Variants in GLT1D1 observed in about 807,000 individuals in gnomAD.
The protein encoded by GLT1D1 is glycosyltransferase 1 domain containing 1.
In GLT1D1, 21 loss-of-function variants were observed where a neutral mutation model predicts 28.7. The ratio of observed to expected loss-of-function variants is 0.73; its 90% CI spans 0.52 to 1.05. The LOEUF is 1.05. Ranked by LOEUF, GLT1D1 falls within the 50% of genes least tolerant of loss-of-function variation. GLT1D1 has a pLI of 0.00. For missense variants in GLT1D1, 343 were observed against 330.6 expected (o/e 1.04, Z -0.29); for synonymous variants, 147 against 124.8 (o/e 1.18, Z -1.19).
Position 128,896,442 on chromosome 12 carries a change from T to C in GLT1D1, c.324-2794T>C, listed in dbSNP as rs563949691. On this transcript the variant is annotated intron_variant, in intron 3 of 7. Transcript: ENST00000281703. ...CAGGGAAAAGCAAATTACCAATTTTTTTTTTGTACTTCATGCGTGCTTTAA... is the reference window on the plus strand; with the variant it reads ...CAGGGAAAAGCAAATTACCAATTTTCTTTTTGTACTTCATGCGTGCTTTAA... 2.6e-5 allele frequency among the ~76,000 whole-genome samples: 4 copies of C among 152,302 alleles called. No individual in the cohort carries two copies. In the East Asian group the frequency reaches 7.7e-4, roughly 29 times the overall value.
chr12:128,861,798 C>G (rs917123174), intron 1 of GLT1D1, among the ~76,000 whole-genome samples: 1 of 152,148 alleles, frequency 6.6e-6, no homozygotes, highest in African/African-American at 2.4e-5. Flanking sequence ...GCAGTACTTT[C>G]CCTTCCAGGC....
At chr12:128,887,387 C>A (rs1396895706) in intron 2 of GLT1D1, among the ~76,000 whole-genome samples, 1 of 152,108 alleles carries the variant, frequency 6.6e-6, no homozygotes. Flanking sequence ...TGTACTATCA[C>A]AGATGCTCTG....
intron 1 of GLT1D1, among the ~76,000 whole-genome samples, chr12:128,866,067 CTTTTTT>C (rs1208489895): frequency 7.5e-6 from 1 of 133,502 alleles, no homozygotes; most frequent in Admixed American, 7.9e-5. Flanking sequence ...GTGATTGTAC[CTTTTTT>C]TTTTTTTTTT....
chr12:128,875,204 TACC>T (rs1956843406), intron 1 of GLT1D1, among the ~76,000 whole-genome samples: 1 of 152,086 alleles, frequency 6.6e-6, no homozygotes, highest in Non-Finnish European at 1.5e-5. Context: ...AATCTTTAGA[TACC>T]ACAATTCAGG....
At chr12:128,919,569 C>T (rs1872444255) in intron 4 of GLT1D1, among the ~76,000 whole-genome samples, 1 of 152,172 alleles carries the variant, frequency 6.6e-6, no homozygotes, top group Non-Finnish European at 1.5e-5. Context: ...CCCTCTTATG[C>T]TTACCATTAT....
At chr12:128,954,549 T>C (rs1234273784) in intron 6 of GLT1D1, among the ~76,000 whole-genome samples, 8 of 152,338 alleles carry the variant, frequency 5.3e-5, no homozygotes, top group Admixed American at 3.9e-4. Flanking sequence ...GACAGGTCAC[T>C]ATGCTCTATA....
At chr12:128,918,108 C>G (rs1872285053) in intron 4 of GLT1D1, among the ~76,000 whole-genome samples, 1 of 152,196 alleles carries the variant, frequency 6.6e-6, no homozygotes, top group Admixed American at 6.5e-5. Context: ...TACATAGACA[C>G]CGTGGAATAC....
chr12:128,888,065 C>A (rs982591281), intron 2 of GLT1D1, among the ~76,000 whole-genome samples: 2 of 152,222 alleles, frequency 1.3e-5, no homozygotes, highest in East Asian at 3.8e-4. Context: ...TATACATACT[C>A]CCTTTGCAAA....
At chr12:128,971,301 C>CTT (rs1879019734) in intron 7 of GLT1D1, among the ~76,000 whole-genome samples, 1 of 34,674 alleles carries the variant, frequency 2.9e-5, no homozygotes, top group Admixed American at 3.5e-4. Flanking sequence ...TTCCTCCCTC[C>CTT]CTCCTTCCTT....
Position 128,957,610 on chromosome 12 carries a change from T to C in GLT1D1, c.606T>C (p.His202=), listed in dbSNP as rs369657656. The stretch of plus-strand genomic sequence containing the variant: ...CCGGGAATGCTGCCGTGGTGAAGCA[T>C]GAAGTCACAGGGCTACTGTTTTCCA... Residue 202 remains histidine, a synonymous_variant, in exon 7 of 8, where the codon CAT becomes CAC. Coordinates refer to ENST00000281703, the MANE Select transcript of GLT1D1 (RefSeq NM_144669.3). 3.7e-6 allele frequency: 6 copies of C among 1,613,604 alleles called. No individual in the cohort carries two copies. The highest frequency in any genetic ancestry group is 5.1e-6 in the Non-Finnish European group (6 of 1,179,646).
At chr12:128,913,599 T>C (rs967182640) in intron 4 of GLT1D1, among the ~76,000 whole-genome samples, 1 of 152,214 alleles carries the variant, frequency 6.6e-6, no homozygotes, top group Non-Finnish European at 1.5e-5. Context: ...GAACATGTAA[T>C]TGGCCCCAAG....
At chr12:128,971,469 T>C in intron 7 of GLT1D1, among the ~76,000 whole-genome samples, 2 of 75,520 alleles carry the variant, frequency 2.6e-5, no homozygotes, top group African/African-American at 4.7e-5. Context: ...TCCCTCCCTC[T>C]GCCTCCCTCC....
rs146404345 is a variant in GLT1D1, at chr12:128,946,993, G to T, written c.420-345G>T. Among the ~76,000 whole-genome samples, 551 of 152,162 alleles carry T rather than the reference G, an allele frequency of 3.6e-3. 5 individuals carry two copies. The highest frequency in any genetic ancestry group is 0.012 in the African/African-American group (513 of 41,506). On this transcript the variant is annotated intron_variant, in intron 5 of 7. Coordinates refer to ENST00000281703, the MANE Select transcript of GLT1D1 (RefSeq NM_144669.3). ...CTTATTGTCTCATTAGTATTTTAAA[G>T]AATTATTTGAAAAAAAGTTGAATTA...
intron 4 of GLT1D1, among the ~76,000 whole-genome samples, chr12:128,932,728 C>T (rs975626830): frequency 2.0e-5 from 3 of 152,108 alleles, no homozygotes; most frequent in Admixed American, 1.3e-4. Context: ...GCAGCGAGGC[C>T]GCCGGTCTTC....
chr12:128,973,184 T>TTTTTTTTTTTTTTTTG (rs1879384512), intron 7 of GLT1D1, among the ~76,000 whole-genome samples: 1 of 104,422 alleles, frequency 9.6e-6, no homozygotes, highest in Non-Finnish European at 1.9e-5. Context: ...GCTTGGTTTT[T>TTTTTTTTTTTTTTTTG]TTTTTTTTTT....
At chr12:128,908,274 A>G (rs1254142758) in intron 4 of GLT1D1, among the ~76,000 whole-genome samples, 1 of 151,674 alleles carries the variant, frequency 6.6e-6, no homozygotes, top group Non-Finnish European at 1.5e-5. Flanking sequence ...ACCCCAGTCT[A>G]GTTTCAACAT....
In GLT1D1 at chr12:128,961,239, C is replaced by G. The variant is rs916216730; in HGVS notation, c.639+3596C>G. Among the ~76,000 whole-genome samples the G allele has an allele frequency of 4.6e-5, 7 of 152,302 alleles. No homozygotes were observed. In the South Asian group the frequency reaches 1.5e-3, roughly 32 times the overall value. On this transcript the variant is annotated intron_variant, in intron 7 of 7. Transcript: ENST00000281703. ...GATTATGGAAGCCAGGAAGTTCCAT[C>G]ATCTGTTGTCTGCAAGCTGGAGATG... is the stretch of plus-strand genomic sequence containing the variant.
intron 4 of GLT1D1, among the ~76,000 whole-genome samples, chr12:128,901,057 T>G (rs1291840727): frequency 6.6e-6 from 1 of 152,230 alleles, no homozygotes; most frequent in Non-Finnish European, 1.5e-5. Flanking sequence ...AAGTCAAGCT[T>G]TTTCTAAATA....
At chr12:128,901,347 T>A (rs1870232882) in intron 4 of GLT1D1, among the ~76,000 whole-genome samples, 1 of 152,074 alleles carries the variant, frequency 6.6e-6, no homozygotes, top group Admixed American at 6.6e-5. Flanking sequence ...CTTGAACTCC[T>A]GACCTCAAGT....
Sources: allele counts gnomAD v4.1 joint callset (sites outside exome capture counted in the v4.1 genomes callset), GRCh38; gene constraint gnomAD v4.1.1; transcripts MANE v1.5; gene names NCBI Gene and HGNC (gene_info 2026-07-23, HGNC 2026-07-21).